LOXHD1: variants seen among roughly 807,000 people sequenced by gnomAD.
The protein encoded by LOXHD1 is lipoxygenase homology PLAT domains 1.
In LOXHD1, 205 loss-of-function variants were observed where a neutral mutation model predicts 248.2. The ratio of observed to expected loss-of-function variants is 0.83; its 90% confidence interval spans 0.74 to 0.93. The LOEUF (loss-of-function observed/expected upper bound fraction) is 0.93, where lower values mean the gene tolerates loss of function less well. LOXHD1 is among the 40% of genes least tolerant of loss of function. The pLI is 0.00. For missense variants in LOXHD1, 2,930 were observed against 2,971.6 expected (o/e 0.99, Z 0.33); for synonymous variants, 1,113 against 1,162.8 (o/e 0.96, Z 0.87).
At chr18:46,620,395 G>T (rs2038651868) in intron 4 of LOXHD1, among the ~76,000 whole-genome samples, 1 of 152,194 alleles carries the variant, frequency 6.6e-6, no homozygotes, top group Non-Finnish European at 1.5e-5. Context: ...TCAGTCCATT[G>T]GAAGGGGCAG....
intron 21 of LOXHD1, among the ~76,000 whole-genome samples, chr18:46,555,613 C>A (rs2037294524): frequency 6.6e-6 from 1 of 152,166 alleles, no homozygotes; most frequent in Admixed American, 6.5e-5. Flanking sequence ...CCATTACATT[C>A]TAGGCACTGG....
At chr18:46,493,825 A>G (rs1047948617) in intron 37 of LOXHD1, among the ~76,000 whole-genome samples, 3 of 152,196 alleles carry the variant, frequency 2.0e-5, no homozygotes, top group African/African-American at 7.2e-5. Context: ...GTGGCTTTCC[A>G]CATCTGATGG....
At chr18:46,650,013 G>C (rs2039087658) in intron 1 of LOXHD1, among the ~76,000 whole-genome samples, 1 of 152,070 alleles carries the variant, frequency 6.6e-6, no homozygotes, top group Non-Finnish European at 1.5e-5. Context: ...GGAGGCATGT[G>C]CTCTATACCC....
At chr18:46,586,101 T>C (rs151330994) in intron 12 of LOXHD1, among the ~76,000 whole-genome samples, 132 of 152,356 alleles carry the variant, frequency 8.7e-4, no homozygotes, top group African/African-American at 3.1e-3. Context: ...TGCTACAATA[T>C]GGATGAATCT....
intron 4 of LOXHD1, among the ~76,000 whole-genome samples, chr18:46,625,821 G>T (rs995536822): frequency 6.6e-6 from 1 of 152,042 alleles, no homozygotes; most frequent in Non-Finnish European, 1.5e-5. Context: ...GCAGTCACTC[G>T]TCCTCCTTTG....
intron 21 of LOXHD1, among the ~76,000 whole-genome samples, chr18:46,554,119 G>A (rs2143927751): frequency 6.6e-6 from 1 of 152,322 alleles, no homozygotes; most frequent in Non-Finnish European, 1.5e-5. Flanking sequence ...GTAGGCAATA[G>A]GAGGGCCTTG....
rs1284977751 is a variant in LOXHD1 at position 46,546,923 on chromosome 18, G to C, written c.3486C>G (p.Pro1162=). The change falls in exon 22 of 41, where the codon CCC becomes CCG. Residue 1162 remains proline (P), a synonymous_variant. Coordinates refer to ENST00000642948, the MANE Select transcript of LOXHD1 (RefSeq NM_001384474.1). ...TCTGCTCCAGGGCCAGGTTGTCGAG[G>C]GGGTTGTTGTCACCGCCTCCCCTAC... The part of the protein sequence containing the change: ...EEGRGGGDNN[P]LDNLALEQKD... 1.3e-6 allele frequency: 2 copies of C among 1,551,244 alleles called. No homozygotes were observed.
At chr18:46,601,892 G>T (rs138597562) in intron 7 of LOXHD1, among the ~76,000 whole-genome samples, 114 of 152,280 alleles carry the variant, frequency 7.5e-4, no homozygotes, top group Non-Finnish European at 1.4e-3. Context: ...TACGTTCAGG[G>T]CTATCTGATT....
At position 46,503,526 on chromosome 18, in the gene LOXHD1, G is replaced by A. The variant is rs574386497; in HGVS notation, c.5878+2312C>T. On this transcript the variant is annotated intron_variant, in intron 37 of 40. Coordinates refer to ENST00000642948, the MANE Select transcript of LOXHD1 (RefSeq NM_001384474.1). Reference sequence around the variant, plus strand: ...GGCAGAAGATGGTCCTAATGATTATGGCTACTGTTATTCAACCAGACTTGG... The same window carrying A: ...GGCAGAAGATGGTCCTAATGATTATAGCTACTGTTATTCAACCAGACTTGG... 2.0e-4 allele frequency among the ~76,000 whole-genome samples: 31 copies of A among 152,258 alleles called. No homozygotes were observed. In the South Asian group the frequency reaches 6.4e-3, roughly 32 times the overall value.
intron 38 of LOXHD1, 25 bp downstream of exon 38, chr18:46,488,947 T>C: frequency 6.5e-7 from 1 of 1,544,486 alleles, no homozygotes; most frequent in Admixed American, 2.0e-5. Flanking sequence ...GCCTCCCTCC[T>C]GAGCCAATGA....
At chr18:46,538,486 C>T in intron 25 of LOXHD1, 149 bp from the exon 26 acceptor site, 1 of 815,888 alleles carries the variant, frequency 1.2e-6, no homozygotes, top group Non-Finnish European at 1.9e-6. Flanking sequence ...GGACCTGGAC[C>T]TTCACAAGGT....
intron 5 of LOXHD1, among the ~76,000 whole-genome samples, chr18:46,615,482 C>T (rs550231753): frequency 2.0e-5 from 3 of 152,244 alleles, no homozygotes; most frequent in Middle Eastern, 3.4e-3. Context: ...ATAATTTATT[C>T]TTTAATTACT....
At chr18:46,584,201 A>T (rs1195458593) in intron 12 of LOXHD1, among the ~76,000 whole-genome samples, 2 of 152,102 alleles carry the variant, frequency 1.3e-5, no homozygotes, top group Admixed American at 1.3e-4. Context: ...TAATATTTTT[A>T]CAAGAGTAGT....
intron 20 of LOXHD1, among the ~76,000 whole-genome samples, chr18:46,558,641 CTG>C (rs1206097859): frequency 2.0e-5 from 3 of 152,098 alleles, no homozygotes; most frequent in Non-Finnish European, 4.4e-5. Context: ...TTTAAAAAAT[CTG>C]TGTTAATGAG....
chr18:46,496,794 G>A (rs1598847048), intron 37 of LOXHD1, among the ~76,000 whole-genome samples: 1 of 152,272 alleles, frequency 6.6e-6, no homozygotes, highest in South Asian at 2.1e-4. Context: ...CTTGAGGTCA[G>A]GAGTTTGAGT....
intron 34 of LOXHD1, among the ~76,000 whole-genome samples, chr18:46,512,475 G>T (rs1045747580): frequency 3.3e-5 from 5 of 152,188 alleles, no homozygotes; most frequent in Non-Finnish European, 7.3e-5. Context: ...CAGGGAGGCT[G>T]ATTTGAGTAA....
chr18:46,569,413 T>A (rs1170777739), intron 16 of LOXHD1, 29 bp downstream of exon 16: 1 of 1,539,966 alleles, frequency 6.5e-7, no homozygotes, highest in East Asian at 2.5e-5. Context: ...GGTGGGATGA[T>A]GTCACATGGT....
intron 17 of LOXHD1, among the ~76,000 whole-genome samples, chr18:46,564,206 A>T (rs898386070): frequency 1.5e-4 from 23 of 152,050 alleles, no homozygotes; most frequent in African/African-American, 5.6e-4. Context: ...AAGTCAATAG[A>T]TAACGTCTAA....
intron 4 of LOXHD1, among the ~76,000 whole-genome samples, chr18:46,637,746 C>G (rs372911481): frequency 6.6e-6 from 1 of 152,050 alleles, no homozygotes; most frequent in African/African-American, 2.4e-5. Flanking sequence ...GATAATCAAA[C>G]AATACTACCA....
Sources: allele counts gnomAD v4.1 joint callset (sites outside exome capture counted in the v4.1 genomes callset), GRCh38; gene constraint gnomAD v4.1.1; transcripts MANE v1.5; gene names NCBI Gene and HGNC (gene_info 2026-07-23, HGNC 2026-07-21).